The following PROS1 variants were observed in gnomAD, a reference collection of about 807,000 sequenced individuals.
PROS1 encodes the protein protein S.
A neutral mutation model predicts 75.9 loss-of-function variants in PROS1; 29 were observed. The observed-to-expected ratio is 0.38, with a 90% CI of 0.28 to 0.52. The LOEUF (loss-of-function observed/expected upper bound fraction) is 0.52. Ranked by LOEUF, PROS1 falls within the 20% of genes least tolerant of loss-of-function variation. The pLI, the probability that PROS1 is intolerant of heterozygous loss-of-function variation, is 0.83. For synonymous variants in PROS1, 245 were observed against 280.6 expected (o/e 0.87, Z 1.27); for missense variants, 680 against 810.3 (o/e 0.84, Z 1.95).
chr3:93,885,920 G>T (rs1306339063), intron 11 of PROS1, among the ~76,000 whole-genome samples: 1 of 152,104 alleles, frequency 6.6e-6, no homozygotes. Context: ...CCTAAAAATA[G>T]ACTTGAGAAA....
chr3:93,887,322 GA>G (rs917906872), intron 10 of PROS1, among the ~76,000 whole-genome samples: 3 of 152,060 alleles, frequency 2.0e-5, no homozygotes, highest in Non-Finnish European at 4.4e-5. Context: ...GAGGCAATAA[GA>G]AAAAAATACA....
rs574257203 is a variant in PROS1 at position 93,947,843 on chromosome 3, C to T, written c.77-20436G>A. Among the ~76,000 whole-genome samples, 2 of 152,240 alleles carry T rather than the reference C, an allele frequency of 1.3e-5. 1 individual carries two copies. The highest frequency in any genetic ancestry group is 4.1e-4 in the South Asian group (2 of 4,826). On this transcript the variant is annotated intron_variant, in intron 1 of 14. Coordinates refer to ENST00000394236, the MANE Select transcript of PROS1 (RefSeq NM_000313.4). ...CGGCCTCTCAAAGTTGCTGGAATTA[C>T]AGGTGTGAGCCACCACACCCAGCCT...
At chr3:93,939,668 G>A (rs1186174904) in intron 1 of PROS1, among the ~76,000 whole-genome samples, 1 of 152,034 alleles carries the variant, frequency 6.6e-6, no homozygotes, top group Non-Finnish European at 1.5e-5. Context: ...CTCTCCCAAA[G>A]CAGTTAGTGT....
chr3:93,972,885 C>A (rs1709901077), intron 1 of PROS1, among the ~76,000 whole-genome samples: 1 of 152,012 alleles, frequency 6.6e-6, no homozygotes, highest in Non-Finnish European at 1.5e-5. Context: ...ATTCAATAAA[C>A]ACACTTACAA....
At position 93,906,276 on chromosome 3, in the gene PROS1, A is replaced by T. The variant is rs947938636; in HGVS notation, c.347-133T>A. On this transcript the variant is annotated intron_variant, in intron 4 of 14. Transcript: ENST00000394236. ...CACACAACTCCTTTCTTTAAATAAT[A>T]CTTTTCCTAAATTAAAAAGTGAGCC... 9.2e-6 allele frequency: 9 copies of T among 981,012 alleles called. No individual in the cohort carries two copies. In the African/African-American group the frequency reaches 1.0e-4, roughly 11 times the overall value. 60.8% of individuals were successfully genotyped at this position (981,012 alleles called of 1,614,324 possible).
At chr3:93,927,967 A>ATGTGTG (rs1211407799) in intron 1 of PROS1, among the ~76,000 whole-genome samples, 2 of 122,168 alleles carry the variant, frequency 1.6e-5, no homozygotes, top group Non-Finnish European at 3.4e-5. Context: ...GTATATATAT[A>ATGTGTG]TGTGTGTATA....
intron 4 of PROS1, 117 bp downstream of exon 4, chr3:93,910,502 A>G (rs1708743874): frequency 6.0e-6 from 5 of 833,108 alleles, no homozygotes; most frequent in Non-Finnish European, 1.0e-5. Flanking sequence ...CTTGCTGGGC[A>G]TACAACCCAT....
At chr3:93,971,941 A>AT (rs2107276305) in intron 1 of PROS1, among the ~76,000 whole-genome samples, 1 of 152,358 alleles carries the variant, frequency 6.6e-6, no homozygotes, top group African/African-American at 2.4e-5. Context: ...AACTGAAAGC[A>AT]TTATGGGGCC....
At chr3:93,971,568 C>T (rs1709881666) in intron 1 of PROS1, among the ~76,000 whole-genome samples, 1 of 150,514 alleles carries the variant, frequency 6.6e-6, no homozygotes, top group African/African-American at 2.4e-5. Flanking sequence ...GAGTTCAAGA[C>T]CAGCCTAGGC....
At chr3:93,927,567 G>T (rs982014807) in intron 1 of PROS1, among the ~76,000 whole-genome samples, 160 bp from the exon 2 acceptor site, 1 of 152,028 alleles carries the variant, frequency 6.6e-6, no homozygotes, top group African/African-American at 2.4e-5. Flanking sequence ...ACAGAAGCAC[G>T]TTGGTTAACA....
chr3:93,910,781 C>G (rs1651990402), intron 3 of PROS1, 76 bp from the exon 4 acceptor site: 1 of 1,213,224 alleles, frequency 8.2e-7, no homozygotes, highest in Non-Finnish European at 1.2e-6. Flanking sequence ...GGAACTGTCC[C>G]AAGAGGTAGG....
At chr3:93,916,832 A>G (rs1432908120) in intron 3 of PROS1, among the ~76,000 whole-genome samples, 2 of 152,214 alleles carry the variant, frequency 1.3e-5, no homozygotes, top group Non-Finnish European at 2.9e-5. Flanking sequence ...TTTCACTATT[A>G]GTTTTATTAA....
chr3:93,912,183 T>C lies in PROS1; in HGVS notation c.260-1478A>G, dbSNP rs369613614. On this transcript the variant is annotated intron_variant, in intron 3 of 14. Transcript: ENST00000394236. ...CCCTTTCCTTGCCTTTTCCAGCTTC[T>C]AGAGGTCATCTGCATTCCTGGGCTC... Among the ~76,000 whole-genome samples the C allele has an allele frequency of 1.4e-4, 21 of 152,314 alleles. No homozygotes were observed. The South Asian group carries it at 4.2e-3, about 30-fold the overall frequency.
chr3:93,927,868 TA>T (rs1709043961), intron 1 of PROS1, among the ~76,000 whole-genome samples: 2 of 140,036 alleles, frequency 1.4e-5, no homozygotes, highest in South Asian at 4.6e-4. Context: ...TATATATATA[TA>T]TATATGTGTG....
At chr3:93,875,597 T>C (rs1708170280) in intron 14 of PROS1, among the ~76,000 whole-genome samples, 1 of 152,044 alleles carries the variant, frequency 6.6e-6, no homozygotes, top group East Asian at 1.9e-4. Context: ...TTTTACTCCC[T>C]AATAATTAGG....
intron 7 of PROS1, among the ~76,000 whole-genome samples, chr3:93,900,588 G>A (rs1440166018): frequency 1.3e-5 from 2 of 152,104 alleles, no homozygotes; most frequent in Non-Finnish European, 2.9e-5. Context: ...AGCTCAAAGG[G>A]CCAACTGGCG....
chr3:93,933,609 T>C (rs1227040070), intron 1 of PROS1, among the ~76,000 whole-genome samples: 1 of 151,318 alleles, frequency 6.6e-6, no homozygotes, highest in Non-Finnish European at 1.5e-5. Flanking sequence ...GAAAAAAGAA[T>C]TGCATATATT....
At chr3:93,927,549 A>T (rs1709038390) in intron 1 of PROS1, 142 bp from the exon 2 acceptor site, 19 of 1,015,950 alleles carry the variant, frequency 1.9e-5, no homozygotes, top group Non-Finnish European at 2.5e-5. Flanking sequence ...TAAGAAAAAA[A>T]TGCAGATACA....
chr3:93,935,179 T>C (rs1213143957), intron 1 of PROS1, among the ~76,000 whole-genome samples: 1 of 152,206 alleles, frequency 6.6e-6, no homozygotes, highest in Non-Finnish European at 1.5e-5. Context: ...AGCTCAGATG[T>C]TGGCAAGGAT....
Sources: gnomAD v4.1 joint callset for allele counts (sites outside exome capture counted in the v4.1 genomes callset) on GRCh38, gnomAD v4.1.1 for gene constraint, MANE v1.5 for transcripts, NCBI Gene and HGNC (gene_info 2026-07-23, HGNC 2026-07-21) for gene names.